Variants in GLRX3 observed in about 807,000 individuals in gnomAD.
GLRX3 encodes the protein glutaredoxin-3.
A neutral mutation model predicts 49.5 loss-of-function variants in GLRX3; 22 were observed. That is an observed-to-expected ratio of 0.44 (90% CI 0.32 to 0.63). The LOEUF (loss-of-function observed/expected upper bound fraction) is 0.63, where lower values mean the gene tolerates loss of function less well. GLRX3 is among the 30% of genes least tolerant of loss of function. The pLI, the probability that GLRX3 is intolerant of heterozygous loss-of-function variation, is 0.05. For synonymous variants in GLRX3, 133 were observed against 140.0 expected (o/e 0.95, Z 0.35); for missense variants, 385 against 396.3 (o/e 0.97, Z 0.24).
chr10:130,144,618 T>C (rs569462695), intron 1 of GLRX3, among the ~76,000 whole-genome samples: 1 of 152,324 alleles, frequency 6.6e-6, no homozygotes, highest in South Asian at 2.1e-4. Flanking sequence ...TTCATCCATG[T>C]CCCTGCAAAG....
intron 10 of GLRX3, among the ~76,000 whole-genome samples, 175 bp from the exon 11 acceptor site, chr10:130,179,167 A>G (rs549601320): frequency 6.6e-6 from 1 of 152,268 alleles, no homozygotes; most frequent in South Asian, 2.1e-4. Context: ...TTTTAACCTG[A>G]TAGTGTATTC....
chr10:130,171,596 G>T lies in GLRX3; in HGVS notation c.784G>T (p.Gly262Ter). Residue 262 changes from glycine to a stop codon, truncating the protein, a stop_gained, in exon 8 of 11, where the codon GGA becomes TGA. Coordinates refer to ENST00000331244, the MANE Select transcript of GLRX3 (RefSeq NM_006541.5). LOFTEE classifies it high-confidence loss of function. ...TTTTTTCATTTAGGAAGCAAAATGTGGATTCAGCAAACAAATTCTGGAAAT... is the reference window on the plus strand; with the variant it reads ...TTTTTTCATTTAGGAAGCAAAATGTTGATTCAGCAAACAAATTCTGGAAAT... ...MKGNKQEAKCGFSKQILEILN... is the reference protein window; with the variant it reads ...MKGNKQEAKC 6.5e-7 allele frequency: 1 copy of T among 1,543,206 alleles called. No individual in the cohort carries two copies.
At chr10:130,166,366 A>G (rs1200986266) in intron 4 of GLRX3, 141 bp from the exon 5 acceptor site, 2 of 585,634 alleles carry the variant, frequency 3.4e-6, no homozygotes, top group Non-Finnish European at 6.0e-6. Context: ...TATATTATTC[A>G]GCCATGCTAA....
chr10:130,166,662 G>C lies in GLRX3; in HGVS notation c.634G>C (p.Gly212Arg). Residue 212 changes from glycine to arginine, a missense_variant, in exon 5 of 11, where the codon GGA becomes CGA. Gly to Arg is a moderately radical substitution (Grantham distance 125). Around this residue, in one of 2 missense-constraint regions of GLRX3, gnomAD observed 374 missense variants for 358.6 expected, o/e 1.04. Transcript: ENST00000331244. ...QLYVSGELIGGLDIIKELEAS... is the reference protein window; with the variant it reads ...QLYVSGELIGRLDIIKELEAS... ...CTATGTTTCTGGAGAGCTCATAGGA[G>C]GACTTGATATAATTAAGGTTAGAAT... 6.2e-7 allele frequency: 1 copy of C among 1,605,600 alleles called. No homozygotes were observed. Among genetic ancestry groups the C allele is most frequent in the South Asian group, 1.1e-5 (1 of 90,592 alleles).
At chr10:130,168,643 T>TCAC (rs1862742309) in intron 6 of GLRX3, among the ~76,000 whole-genome samples, 1 of 152,162 alleles carries the variant, frequency 6.6e-6, no homozygotes, top group South Asian at 2.1e-4. Flanking sequence ...AGACGGGGTT[T>TCAC]CACCGTGTTT....
At chr10:130,160,454 A>G (rs1334624961) in intron 3 of GLRX3, among the ~76,000 whole-genome samples, 1 of 152,146 alleles carries the variant, frequency 6.6e-6, no homozygotes, top group African/African-American at 2.4e-5. Context: ...AAGCAGGTGC[A>G]CACCTGTGCT....
At chr10:130,175,457 G>A (rs769703796) in intron 10 of GLRX3, among the ~76,000 whole-genome samples, 3 of 152,218 alleles carry the variant, frequency 2.0e-5, no homozygotes, top group Non-Finnish European at 4.4e-5. Context: ...TGTGAGGCCT[G>A]TGGCCCGGTG....
At chr10:130,169,147 T>G (rs893522908) in intron 6 of GLRX3, among the ~76,000 whole-genome samples, 2 of 152,316 alleles carry the variant, frequency 1.3e-5, no homozygotes, top group Admixed American at 1.3e-4. Flanking sequence ...GAACAATTCC[T>G]TACTGAATTG....
intron 2 of GLRX3, among the ~76,000 whole-genome samples, chr10:130,152,815 G>A (rs1442052110): frequency 1.3e-5 from 2 of 151,996 alleles, no homozygotes; most frequent in Non-Finnish European, 2.9e-5. Flanking sequence ...ATTTGTGGTG[G>A]TCTGTGTATT....
chr10:130,160,281 C>G (rs745534017), intron 3 of GLRX3, among the ~76,000 whole-genome samples: 21 of 152,216 alleles, frequency 1.4e-4, no homozygotes, highest in Admixed American at 5.9e-4. Context: ...GTAGCATGGA[C>G]TGTGTAGGGC....
intron 8 of GLRX3, among the ~76,000 whole-genome samples, chr10:130,172,438 C>G (rs1483774784): frequency 6.6e-6 from 1 of 152,114 alleles, no homozygotes; most frequent in Non-Finnish European, 1.5e-5. Context: ...TGGTTAAAAA[C>G]AAAAGCACTT....
chr10:130,155,950 T>TG (rs1424052890), intron 2 of GLRX3, among the ~76,000 whole-genome samples: 1 of 152,096 alleles, frequency 6.6e-6, no homozygotes, highest in Non-Finnish European at 1.5e-5. Flanking sequence ...TCACTGTTAC[T>TG]GAAGGATACT....
rs138332860 is a variant in GLRX3, at chr10:130,177,391, G to A, written c.958-1951G>A. ...GTTAGGTTTAGACTTTCCACCTGCC[G>A]GCTCGCATTAACAGCAGTGAGGGTG... On this transcript the variant is annotated intron_variant, in intron 10 of 10. Transcript: ENST00000331244. 3.3e-3 allele frequency among the ~76,000 whole-genome samples: 504 copies of A among 152,282 alleles called. 2 individuals carry two copies. The highest frequency in any genetic ancestry group is 5.9e-3 in the Non-Finnish European group (401 of 68,030).
intron 2 of GLRX3, among the ~76,000 whole-genome samples, chr10:130,155,161 C>T (rs1361448900): frequency 6.6e-6 from 1 of 152,096 alleles, no homozygotes; most frequent in Non-Finnish European, 1.5e-5. Context: ...TGGAAAGGAG[C>T]CAGCCATTGG....
At chr10:130,137,930 C>T (rs1862095770) in intron 1 of GLRX3, among the ~76,000 whole-genome samples, 1 of 152,076 alleles carries the variant, frequency 6.6e-6, no homozygotes, top group Admixed American at 6.6e-5. Context: ...GAGACGAGGT[C>T]TCGCCATGTT....
chr10:130,178,956 G>A (rs866225323), intron 10 of GLRX3, among the ~76,000 whole-genome samples: 9 of 152,034 alleles, frequency 5.9e-5, no homozygotes, highest in East Asian at 1.9e-4. Flanking sequence ...TGCCCTCCTC[G>A]GCCTCCCAAC....
At chr10:130,143,427 T>G (rs889367223) in intron 1 of GLRX3, among the ~76,000 whole-genome samples, 1 of 152,238 alleles carries the variant, frequency 6.6e-6, no homozygotes, top group African/African-American at 2.4e-5. Context: ...GATTTTTTAG[T>G]TGGATATGAC....
chr10:130,151,516 C>T (rs538672765), intron 2 of GLRX3, among the ~76,000 whole-genome samples: 5 of 152,002 alleles, frequency 3.3e-5, no homozygotes, highest in Non-Finnish European at 7.4e-5. Context: ...CGCTATCCCT[C>T]CCTCAGCCCC....
chr10:130,148,904 T>C (rs1322923806), intron 2 of GLRX3, among the ~76,000 whole-genome samples: 1 of 151,840 alleles, frequency 6.6e-6, no homozygotes, highest in African/African-American at 2.4e-5. Flanking sequence ...CTCTACAGAA[T>C]AAAAATTTAA....
Sources: allele counts gnomAD v4.1 joint callset (sites outside exome capture counted in the v4.1 genomes callset), GRCh38; gene constraint gnomAD v4.1.1; regional missense constraint gnomAD v4.1.1; transcripts MANE v1.5; gene names NCBI Gene and HGNC (gene_info 2026-07-23, HGNC 2026-07-21).